The following SPIDR variants were observed in gnomAD, a reference collection of about 807,000 sequenced individuals.
The protein encoded by SPIDR is scaffold protein involved in DNA repair.
Under a neutral mutation model 104.6 loss-of-function variants are expected in SPIDR, and 93 were observed. The ratio of observed to expected loss-of-function variants is 0.89; its 90% CI spans 0.75 to 1.06. The LOEUF (loss-of-function observed/expected upper bound fraction) is 1.06, where lower values mean the gene tolerates loss of function less well. Among genes scored for constraint, SPIDR ranks in the 50% least tolerant of loss-of-function variants. The pLI is 0.00. For synonymous variants in SPIDR, 431 were observed against 416.9 expected, an observed-to-expected ratio of 1.03 and a Z score of -0.41; for missense variants, 1,154 against 1,111.2, an observed-to-expected ratio of 1.04 and a Z score of -0.55.
intron 16 of SPIDR, among the ~76,000 whole-genome samples, chr8:47,723,288 G>T (rs1035883831): frequency 2.6e-5 from 4 of 152,086 alleles, no homozygotes; most frequent in Non-Finnish European, 5.9e-5. Flanking sequence ...ATATAACTGA[G>T]ATAATATCAA....
intron 8 of SPIDR, among the ~76,000 whole-genome samples, chr8:47,562,428 A>G (rs1382367359): frequency 3.3e-5 from 5 of 152,192 alleles, no homozygotes; most frequent in African/African-American, 4.8e-5. Flanking sequence ...GGCACCGGAC[A>G]GGGCATTGTC....
chr8:47,715,563 A>G lies in SPIDR; in HGVS notation c.2341+1922A>G, dbSNP rs1365429282. ...TTTTGCCATTAAAAGTAATGGAAAG[A>G]GCCGTGATTACTTTTGCACAAACCT... is the stretch of plus-strand genomic sequence containing the variant. On this transcript the variant is annotated intron_variant, in intron 16 of 19. Coordinates refer to ENST00000297423, the MANE Select transcript of SPIDR (RefSeq NM_001080394.4). 2.0e-5 allele frequency among the ~76,000 whole-genome samples: 3 copies of G among 152,202 alleles called. No individual in the cohort carries two copies. The East Asian group carries it at 5.8e-4, about 29-fold the overall frequency.
rs574580169 is a variant in SPIDR, at chr8:47,486,292, A to C, written c.1097+45750A>C. 2.0e-5 allele frequency among the ~76,000 whole-genome samples: 3 copies of C among 152,312 alleles called. No individual in the cohort carries two copies. The South Asian group carries it at 6.2e-4, about 32-fold the overall frequency. ...AATGAATGAAATGAAGCAACAAAAG[A>C]AGTTTAGAGAAAAAAGAGCAAAAAG... On this transcript the variant is annotated intron_variant, in intron 8 of 19. Transcript: ENST00000297423.
intron 10 of SPIDR, among the ~76,000 whole-genome samples, chr8:47,612,901 C>G (rs961482181): frequency 6.6e-6 from 1 of 152,188 alleles, no homozygotes. Flanking sequence ...ACTGCCGCCA[C>G]GGAGGAAATG....
chr8:47,436,684 C>T (rs1367578360), intron 7 of SPIDR, among the ~76,000 whole-genome samples: 1 of 152,198 alleles, frequency 6.6e-6, no homozygotes, highest in Non-Finnish European at 1.5e-5. Flanking sequence ...CAAGGTCATA[C>T]CATTGTACTC....
chr8:47,307,722 A>G (rs2043349118), intron 5 of SPIDR, among the ~76,000 whole-genome samples: 1 of 150,864 alleles, frequency 6.6e-6, no homozygotes, highest in East Asian at 2.0e-4. Context: ...TATTTTTAGT[A>G]GAGATGGGGT....
At chr8:47,422,028 T>C (rs1554681136) in intron 7 of SPIDR, among the ~76,000 whole-genome samples, 1 of 152,170 alleles carries the variant, frequency 6.6e-6, no homozygotes, top group African/African-American at 2.4e-5. Flanking sequence ...TACTCAGGGG[T>C]GCCTCACAGT....
intron 11 of SPIDR, among the ~76,000 whole-genome samples, chr8:47,678,111 T>G (rs2076666159): frequency 6.6e-6 from 1 of 152,184 alleles, no homozygotes; most frequent in African/African-American, 2.4e-5. Context: ...GTTTGTACTA[T>G]GCTCCCAGCT....
In SPIDR at chr8:47,595,884, A is replaced by G. The variant is rs1345715654; in HGVS notation, c.1171A>G (p.Lys391Glu). 1.1e-5 allele frequency: 17 copies of G among 1,614,120 alleles called. No homozygotes were observed. Among genetic ancestry groups the G allele is most frequent in the Non-Finnish European group, 1.3e-5 (15 of 1,180,038 alleles). The change falls in exon 9 of 20, where the codon AAA (lysine) becomes GAA (glutamate). Residue 391 changes from lysine (K) to glutamate (E), a missense_variant. Coordinates refer to ENST00000297423, the MANE Select transcript of SPIDR (RefSeq NM_001080394.4). ...TTACTTTTGTGAGAAAGTTGTTGCC[A>G]AAGAAGATTCAGAAAAAACTTGTGA... is the stretch of plus-strand genomic sequence containing the variant. ...NTYFCEKVVA[K>E]EDSEKTCEVY...
intron 10 of SPIDR, among the ~76,000 whole-genome samples, chr8:47,656,760 A>T (rs149832291): frequency 4.9e-4 from 74 of 152,250 alleles, no homozygotes; most frequent in Admixed American, 1.4e-3. Context: ...AACAACTGCA[A>T]TATCTGTCAG....
Position 47,287,743 on chromosome 8 carries a change from T to C in SPIDR, c.257-3290T>C, listed in dbSNP as rs974709693. Among the ~76,000 whole-genome samples, 963 of 152,290 alleles carry C rather than the reference T, an allele frequency of 6.3e-3. 14 individuals are homozygous for C. The highest frequency in any genetic ancestry group is 0.022 in the African/African-American group (926 of 41,552). ...TTCCCTTGTTCCCTGAAAATCGCTG[T>C]TATTCTGTTCTTTTTCAAGGTGCAC... On this transcript the variant is annotated intron_variant, in intron 3 of 19. Coordinates refer to ENST00000297423, the MANE Select transcript of SPIDR (RefSeq NM_001080394.4).
chr8:47,270,209 T>C (rs2035013668), intron 1 of SPIDR, among the ~76,000 whole-genome samples: 2 of 152,186 alleles, frequency 1.3e-5, no homozygotes, highest in East Asian at 3.9e-4. Context: ...TTGTGAAGGA[T>C]AGATACTGTT....
chr8:47,412,356 A>G (rs2063654112), intron 7 of SPIDR, among the ~76,000 whole-genome samples: 2 of 152,228 alleles, frequency 1.3e-5, no homozygotes, highest in South Asian at 4.1e-4. Context: ...CTTAGACACA[A>G]AAAAAGAATT....
intron 5 of SPIDR, among the ~76,000 whole-genome samples, chr8:47,313,540 T>C (rs1360063843): frequency 6.6e-6 from 1 of 152,204 alleles, no homozygotes; most frequent in Non-Finnish European, 1.5e-5. Flanking sequence ...AATGACTCTC[T>C]TCACAGAATT....
chr8:47,492,914 G>T (rs1038180941), intron 8 of SPIDR, among the ~76,000 whole-genome samples: 1 of 152,076 alleles, frequency 6.6e-6, no homozygotes, highest in African/African-American at 2.4e-5. Flanking sequence ...TGTGCCTGGA[G>T]TATCTTGACT....
intron 11 of SPIDR, among the ~76,000 whole-genome samples, chr8:47,680,012 G>T (rs1306455379): frequency 6.6e-6 from 1 of 152,208 alleles, no homozygotes; most frequent in Non-Finnish European, 1.5e-5. Flanking sequence ...AATTTTAGCA[G>T]TAAGGGTGGC....
intron 8 of SPIDR, among the ~76,000 whole-genome samples, chr8:47,509,103 G>C (rs1006414922): frequency 5.3e-5 from 8 of 152,148 alleles, no homozygotes; most frequent in Non-Finnish European, 8.8e-5. Flanking sequence ...GAGTGTCTGA[G>C]GCTTTCCCAC....
intron 10 of SPIDR, among the ~76,000 whole-genome samples, chr8:47,608,978 C>T (rs914719116): frequency 1.3e-5 from 2 of 152,220 alleles, no homozygotes; most frequent in Non-Finnish European, 2.9e-5. Flanking sequence ...CTGCCTGCCT[C>T]GGCCTCCCAA....
At chr8:47,386,896 GAGAGAGAGATATAGATAT>G (rs1346602376) in intron 5 of SPIDR, among the ~76,000 whole-genome samples, 1 of 75,012 alleles carries the variant, frequency 1.3e-5, no homozygotes, top group African/African-American at 4.7e-5. Context: ...GAGAGAAAGA[GAGAGAGAGATATAGATAT>G]AGATATAGAT....
Sources: gnomAD v4.1 joint callset for allele counts (sites outside exome capture counted in the v4.1 genomes callset) on GRCh38, gnomAD v4.1.1 for gene constraint, MANE v1.5 for transcripts, NCBI Gene and HGNC (gene_info 2026-07-23, HGNC 2026-07-21) for gene names.